Variants in HRAS observed in about 807,000 individuals in gnomAD.
The protein encoded by HRAS is HRas proto-oncogene, GTPase.
A neutral mutation model predicts 19.8 loss-of-function variants in HRAS; 11 were observed. The ratio of observed to expected loss-of-function variants is 0.55; its 90% CI spans 0.35 to 0.92. The LOEUF (loss-of-function observed/expected upper bound fraction) is 0.92, where lower values mean the gene tolerates loss of function less well. Among genes scored for constraint, HRAS ranks in the 40% least tolerant of loss-of-function variants. The probability of loss-of-function intolerance (pLI) is 0.01; values close to 1 mark genes in which losing one functional copy is unlikely to be tolerated. For missense variants in HRAS, 204 were observed against 255.9 expected, an observed-to-expected ratio of 0.80 and a Z score of 1.38; for synonymous variants, 149 against 105.5, an observed-to-expected ratio of 1.41 and a Z score of -2.52.
Position 535,467 on chromosome 11 carries a change from C to CG in HRAS, c.-106dup, listed in dbSNP as rs1564791871. The CG allele has an allele frequency of 2.7e-4, 40 of 147,078 alleles. No homozygotes were observed. Among genetic ancestry groups the CG allele is most frequent in the Middle Eastern group, 3.2e-3 (1 of 310 alleles). 9.1% of individuals were successfully genotyped at this position (147,078 alleles called of 1,614,324 possible). A position where few individuals can be genotyped will look rare whatever the true frequency, so the allele number is the denominator to read the frequency against. On this transcript the variant is annotated 5_prime_UTR_variant, in exon 1 of 6. The change creates a premature stop within an existing upstream ORF in the 5' untranslated region. Transcript: ENST00000311189. ...GCCAGGGCCGGGGCCGAGGCCGGGG[C>CG]GGGGCGGGGGCGGGGGCGCGCGGTT...
At position 533,657 on chromosome 11, in the gene HRAS, A is replaced by G. The variant is rs45495295; in HGVS notation, c.291-45T>C. ...AGCTGGCTACGGGGGCTGCAGGCGCAGCGGCATCCAGGACATGCGCAGAGA... is the reference window on the plus strand; with the variant it reads ...AGCTGGCTACGGGGGCTGCAGGCGCGGCGGCATCCAGGACATGCGCAGAGA... On this transcript the variant is annotated intron_variant, in intron 3 of 5. Coordinates refer to ENST00000311189, the MANE Select transcript of HRAS (RefSeq NM_005343.4). 6.6e-4 allele frequency: 1,063 copies of G among 1,613,010 alleles called. 6 individuals carry two copies. The African/African-American group carries it at 0.012, about 18-fold the overall frequency.
Position 534,317 on chromosome 11 carries a change from C to T in HRAS, c.6G>A (p.Thr2=), listed in dbSNP as rs751944063. Residue 2 remains threonine, a synonymous_variant, in exon 2 of 6, where the codon ACG becomes ACA. Coordinates refer to ENST00000311189, the MANE Select transcript of HRAS (RefSeq NM_005343.4). ...CGCCCACCACCACCAGCTTATATTC[C>T]GTCATCGCTCCTCAGGGGCCTGCGG... M[T]EYKLVVVGAG... is the part of the protein sequence containing the mutation. 1.2e-6 allele frequency: 2 copies of T among 1,611,912 alleles called. No homozygotes were observed. The highest frequency in any genetic ancestry group is 1.7e-5 in the Admixed American group (1 of 60,000).
rs761468352 is a variant in HRAS, at chr11:532,768, G to A, written c.451-13C>T. The A allele has an allele frequency of 5.6e-6, 9 of 1,611,808 alleles. No individual in the cohort carries two copies. Among genetic ancestry groups the A allele is most frequent in the Admixed American group, 1.7e-5 (1 of 60,008 alleles). ...CATCCTCCACTCCCTGGGAAAGGAG[G>A]GATGGGATCAGGAGGGACCGGCCTG... On this transcript the variant is annotated splice_polypyrimidine_tract_variant and intron_variant, in intron 4 of 5. Transcript: ENST00000311189.
rs1469382341 is a variant in HRAS at position 532,272 on chromosome 11, C to CA, written c.*255dup. 2.2e-6 allele frequency: 1 copy of CA among 449,362 alleles called. No homozygotes were observed. The highest frequency in any genetic ancestry group is 4.1e-6 in the Non-Finnish European group (1 of 242,456). The allele number at this position is 449,362 out of a possible 1,614,324, so 27.8% of individuals were successfully genotyped here. Reference sequence around the variant, plus strand: ...ACCATCCAATAATTTACTGTGATCCCATCTGTGCCCGACAAGGGCCCACAG... The same window carrying CA: ...ACCATCCAATAATTTACTGTGATCCCAATCTGTGCCCGACAAGGGCCCACAG... On this transcript the variant is annotated 3_prime_UTR_variant, in exon 6 of 6. Coordinates refer to ENST00000311189, the MANE Select transcript of HRAS (RefSeq NM_005343.4).
rs763754805 is a variant in HRAS, at chr11:533,527, C to G, written c.376G>C (p.Glu126Gln). Residue 126 changes from glutamate to glutamine, a missense_variant, in exon 4 of 6, where the codon GAA becomes CAA. Coordinates refer to ENST00000311189, the MANE Select transcript of HRAS (RefSeq NM_005343.4). ...NKCDLAARTV[E>Q]SRQAQDLARS... ...GCGAGGTCCTGAGCCTGCCGAGATT[C>G]CACAGTGCGTGCAGCCAGGTCACAC... The G allele has an allele frequency of 3.1e-6, 5 of 1,613,712 alleles. No homozygotes were observed. The African/African-American group carries it at 6.7e-5, about 22-fold the overall frequency.
rs730880327 is a variant in HRAS, at chr11:532,635, G to C, written c.*1C>G. The C allele has an allele frequency of 6.2e-7, 1 of 1,610,980 alleles. No homozygotes were observed. The highest frequency in any genetic ancestry group is 8.5e-7 in the Non-Finnish European group (1 of 1,179,822). ...CGCCCTGGGAGTCCCCCTCACCTGC[G>C]TCAGGAGAGCACACACTTGCAGCTC... is the stretch of plus-strand genomic sequence containing the variant. On this transcript the variant is annotated 3_prime_UTR_variant, in exon 5 of 6. Coordinates refer to ENST00000311189, the MANE Select transcript of HRAS (RefSeq NM_005343.4).
chr11:535,523 G>A lies in HRAS; in HGVS notation c.-161C>T, dbSNP rs1380744369. The A allele has an allele frequency of 5.4e-5, 8 of 148,058 alleles. No individual in the cohort carries two copies. The highest frequency in any genetic ancestry group is 2.0e-4 in the African/African-American group (8 of 40,926). 9.2% of individuals were successfully genotyped at this position (148,058 alleles called of 1,614,324 possible). ...CGCGCATGGGCTCCGTCCGCGGCGGGTGCGGCTCGGGTTGCGGGCGCAGGG... is the reference window on the plus strand; with the variant it reads ...CGCGCATGGGCTCCGTCCGCGGCGGATGCGGCTCGGGTTGCGGGCGCAGGG... On this transcript the variant is annotated 5_prime_UTR_variant, in exon 1 of 6. Coordinates refer to ENST00000311189, the MANE Select transcript of HRAS (RefSeq NM_005343.4).
rs1404106769 is a variant in HRAS at position 533,627 on chromosome 11, G to A, written c.291-15C>T. On this transcript the variant is annotated splice_polypyrimidine_tract_variant and intron_variant, in intron 3 of 5. Transcript: ENST00000311189. ...TGATCTGCTCCCTGAGAGGTGGAAAGCGAGAGCTGGCTACGGGGGCTGCAG... is the reference window on the plus strand; with the variant it reads ...TGATCTGCTCCCTGAGAGGTGGAAAACGAGAGCTGGCTACGGGGGCTGCAG... 3.1e-6 allele frequency: 5 copies of A among 1,613,644 alleles called. No homozygotes were observed. The highest frequency in any genetic ancestry group is 4.2e-6 in the Non-Finnish European group (5 of 1,179,956).
At chr11:532,817 C>T (rs1851189345) in intron 4 of HRAS, 62 bp from the exon 5 acceptor site, 1 of 1,542,562 alleles carries the variant, frequency 6.5e-7, no homozygotes, top group Non-Finnish European at 8.9e-7. Flanking sequence ...GGGTGAGGGG[C>T]TCCCTGCTGT....
chr11:533,643 G>T (rs1201339339), intron 3 of HRAS, 31 bp from the exon 4 acceptor site: 1 of 1,613,424 alleles, frequency 6.2e-7, no homozygotes, highest in Non-Finnish European at 8.5e-7. Context: ...GCTGGCTACG[G>T]GGGCTGCAGG....
chr11:532,451 C>T lies in HRAS; in HGVS notation c.*77G>A, dbSNP rs1012844105. On this transcript the variant is annotated 3_prime_UTR_variant, in exon 6 of 6. Coordinates refer to ENST00000311189, the MANE Select transcript of HRAS (RefSeq NM_005343.4). ...GCAGCCCTTCCTTCCTTCCTTGCTT[C>T]CGTCCTTCCTTCCTCCTCCTTCCGT... The T allele has an allele frequency of 2.4e-6, 2 of 828,480 alleles. No individual in the cohort carries two copies. Among genetic ancestry groups the T allele is most frequent in the South Asian group, 1.7e-5 (1 of 58,492 alleles). The allele number at this position is 828,480 out of a possible 1,614,324, so 51.3% of individuals were successfully genotyped here. A position where few individuals can be genotyped will look rare whatever the true frequency, so the allele number is the denominator to read the frequency against.
intron 1 of HRAS, chr11:535,188 G>A (rs979965046): frequency 3.3e-5 from 5 of 151,722 alleles, no homozygotes; most frequent in African/African-American, 1.2e-4. Context: ...CCACGGGTGG[G>A]GCCCGGATTC....
rs587780953 is a variant in HRAS, at chr11:532,617, G to C, written c.*5+14C>G. 3.1e-6 allele frequency: 5 copies of C among 1,607,276 alleles called. No homozygotes were observed. The Admixed American group carries it at 6.7e-5, about 21-fold the overall frequency. ...TCCGGTGGGCGTGGCGGCCGCCCTG[G>C]GAGTCCCCCTCACCTGCGTCAGGAG... is the stretch of plus-strand genomic sequence containing the variant. On this transcript the variant is annotated intron_variant, in intron 5 of 5. Transcript: ENST00000311189.
chr11:533,222 A>G (rs2133984526), intron 4 of HRAS: 1 of 1,435,240 alleles, frequency 7.0e-7, no homozygotes, highest in Non-Finnish European at 9.4e-7. Flanking sequence ...GCAGGGCGTG[A>G]GCCCAGACCC....
Position 532,338 on chromosome 11 carries a change from T to C in HRAS, c.*190A>G. On this transcript the variant is annotated 3_prime_UTR_variant, in exon 6 of 6. Transcript: ENST00000311189. ...GCTAAGGGCTGGGGTTCCGGTGGCA[T>C]TTGGGATGTTCAAGACAGTCTGTGC... The C allele has an allele frequency of 1.9e-6, 1 of 518,052 alleles. No individual in the cohort carries two copies. The highest frequency in any genetic ancestry group is 3.3e-5 in the East Asian group (1 of 30,576). 32.1% of individuals were successfully genotyped at this position (518,052 alleles called of 1,614,324 possible).
At chr11:534,998 G>A (rs1455406604) in intron 1 of HRAS, among the ~76,000 whole-genome samples, 1 of 152,198 alleles carries the variant, frequency 6.6e-6, no homozygotes, top group African/African-American at 2.4e-5. Context: ...CGGGAGACCC[G>A]GAGAGGGAAA....
chr11:533,317 C>T, intron 4 of HRAS, 136 bp downstream of exon 4: 1 of 1,602,880 alleles, frequency 6.2e-7, no homozygotes. Context: ...CCGGGGGGTC[C>T]CAGAGGGTCC....
chr11:534,532 C>T (rs1390418205), intron 1 of HRAS, 157 bp from the exon 2 acceptor site: 1 of 598,318 alleles, frequency 1.7e-6, no homozygotes, highest in Non-Finnish European at 3.0e-6. Flanking sequence ...GCAGCTGCAA[C>T]CCAGCGTGCG....
rs2133986364 is a variant in HRAS at position 533,471 on chromosome 11, G to A, written c.432C>T (p.Thr144=). Reference sequence around the variant, plus strand: ...GCCTCACCTGCCGGGTCTTGGCCGAGGTCTCGATGTAGGGGATGCCGTAGC... The same window carrying A: ...GCCTCACCTGCCGGGTCTTGGCCGAAGTCTCGATGTAGGGGATGCCGTAGC... ...ARSYGIPYIE[T]SAKTRQGVED... Residue 144 remains threonine, a synonymous_variant, in exon 4 of 6, where the codon ACC becomes ACT. Coordinates refer to ENST00000311189, the MANE Select transcript of HRAS (RefSeq NM_005343.4). The A allele has an allele frequency of 1.2e-6, 2 of 1,613,506 alleles. No individual in the cohort carries two copies. The highest frequency in any genetic ancestry group is 8.5e-7 in the Non-Finnish European group (1 of 1,179,978).
Sources: gnomAD v4.1 joint callset for allele counts (sites outside exome capture counted in the v4.1 genomes callset) on GRCh38, gnomAD v4.1.1 for gene constraint, MANE v1.5 for transcripts, NCBI Gene and HGNC (gene_info 2026-07-23, HGNC 2026-07-21) for gene names.